The following JADE3 variants were observed in gnomAD, a reference collection of about 807,000 sequenced individuals.
JADE3 encodes jade family PHD finger 3.
A neutral mutation model predicts 50.1 loss-of-function variants in JADE3; 2 were observed. The ratio of observed to expected loss-of-function variants is 0.04; its 90% confidence interval spans 0.02 to 0.13. JADE3 has a LOEUF of 0.13. Among genes scored for constraint, JADE3 ranks in the 10% least tolerant of loss-of-function variants. The pLI, the probability that JADE3 is intolerant of heterozygous loss-of-function variation, is 1.00. For synonymous variants in JADE3, 218 were observed against 232.9 expected (o/e 0.94, Z 0.58); for missense variants, 475 against 634.4 (o/e 0.75, Z 2.70).
chrX:47,015,379 C>A (rs1215285764), intron 4 of JADE3, among the ~76,000 whole-genome samples: 1 of 110,458 alleles, frequency 9.1e-6, no homozygotes, highest in Non-Finnish European at 1.9e-5. Flanking sequence ...ATCAGGAGTT[C>A]GAGACCAGCC....
intron 3 of JADE3, among the ~76,000 whole-genome samples, chrX:46,996,024 G>A (rs913203450): frequency 7.1e-5 from 8 of 112,303 alleles, no homozygotes; most frequent in Admixed American, 4.7e-4. Flanking sequence ...CTTCACCTTC[G>A]TGGAGGTTTG....
At chrX:47,037,741 G>A (rs184161474) in intron 7 of JADE3, among the ~76,000 whole-genome samples, 1 of 112,364 alleles carries the variant, frequency 8.9e-6, no homozygotes, top group African/African-American at 3.2e-5. Flanking sequence ...GAAACATGGG[G>A]TATTCATCCC....
chrX:46,958,469 C>T (rs1411326810), intron 1 of JADE3, among the ~76,000 whole-genome samples: 3 of 111,618 alleles, frequency 2.7e-5, no homozygotes, highest in Non-Finnish European at 5.6e-5. Context: ...CTCTGTGTCC[C>T]ACCAGAAGAC....
At chrX:47,054,039 GACTA>G in intron 8 of JADE3, 115 bp from the exon 9 acceptor site, 1 of 479,770 alleles carries the variant, frequency 2.1e-6, no homozygotes, top group Non-Finnish European at 3.5e-6. Context: ...GTCAGTTTAG[GACTA>G]ACTTTCTCCC....
chrX:46,971,782 C>G (rs373481043), intron 1 of JADE3, among the ~76,000 whole-genome samples: 1 of 101,202 alleles, frequency 9.9e-6, no homozygotes, highest in African/African-American at 3.7e-5. Context: ...GGCGACAGAG[C>G]GAGACTCCGT....
intron 1 of JADE3, among the ~76,000 whole-genome samples, chrX:46,928,746 G>T (rs1199321877): frequency 9.0e-6 from 1 of 110,843 alleles, no homozygotes; most frequent in East Asian, 2.8e-4. Context: ...ACCATGCCTA[G>T]CTAATTAAAT....
intron 7 of JADE3, among the ~76,000 whole-genome samples, chrX:47,038,679 AG>A (rs2146982898): frequency 9.2e-6 from 1 of 108,649 alleles, no homozygotes; most frequent in African/African-American, 3.4e-5. Flanking sequence ...AAAAGAAGAA[AG>A]AAAGAAAGAA....
chrX:46,987,595 G>A (rs1927890072), intron 3 of JADE3, among the ~76,000 whole-genome samples: 1 of 112,106 alleles, frequency 8.9e-6, no homozygotes, highest in Admixed American at 9.5e-5. Context: ...GAATGTAAGA[G>A]TTTATTTATA....
At chrX:47,043,818 CAA>C (rs782062343) in intron 8 of JADE3, among the ~76,000 whole-genome samples, 14 of 48,792 alleles carry the variant, frequency 2.9e-4, no homozygotes, top group African/African-American at 2.2e-4. Context: ...GACTCTGTTT[CAA>C]AAAAAAAAAA....
At chrX:47,002,730 A>ATGT (rs1980212292) in intron 4 of JADE3, among the ~76,000 whole-genome samples, 2 of 107,636 alleles carry the variant, frequency 1.9e-5, no homozygotes, top group Admixed American at 2.0e-4. Context: ...GTAGACCATC[A>ATGT]TGTTACCTGC....
intron 3 of JADE3, among the ~76,000 whole-genome samples, chrX:46,986,916 T>A (rs782540910): frequency 8.9e-6 from 1 of 112,755 alleles, no homozygotes; most frequent in Non-Finnish European, 1.9e-5. Context: ...ATATTAGTTA[T>A]GTATTGCTAC....
At chrX:46,938,778 A>AT (rs1336692637) in intron 1 of JADE3, among the ~76,000 whole-genome samples, 5 of 111,384 alleles carry the variant, frequency 4.5e-5, no homozygotes, top group African/African-American at 9.8e-5. Flanking sequence ...CTGTGTTGAC[A>AT]TTTTTTTTAC....
At chrX:47,046,442 A>G (rs1177285051) in intron 8 of JADE3, among the ~76,000 whole-genome samples, 2 of 112,290 alleles carry the variant, frequency 1.8e-5, no homozygotes, top group African/African-American at 6.5e-5. Flanking sequence ...ACTGAATTTT[A>G]CAAAACATTT....
intron 7 of JADE3, among the ~76,000 whole-genome samples, chrX:47,037,021 G>T (rs1420770476): frequency 1.0e-5 from 1 of 96,229 alleles, no homozygotes; most frequent in Non-Finnish European, 2.1e-5. Flanking sequence ...ATGACGAGTT[G>T]GTGGGTGCAG....
intron 1 of JADE3, among the ~76,000 whole-genome samples, chrX:46,960,067 A>G (rs1927220647): frequency 9.0e-6 from 1 of 111,084 alleles, no homozygotes; most frequent in South Asian, 3.9e-4. Context: ...GCCTCTCCCA[A>G]GAAGCAGTCC....
intron 3 of JADE3, among the ~76,000 whole-genome samples, chrX:46,986,544 G>A (rs781907433): frequency 1.8e-5 from 2 of 112,453 alleles, no homozygotes; most frequent in African/African-American, 3.2e-5. Context: ...AGGACCTAGA[G>A]ATCTCCTGGC....
chrX:47,007,806 T>TG (rs1556360663), intron 4 of JADE3, among the ~76,000 whole-genome samples: 3,583 of 52,999 alleles, frequency 0.068, 217 homozygotes, highest in African/African-American at 0.35. Context: ...GTCCTTTTAT[T>TG]TTGTGTGTGT....
intron 3 of JADE3, among the ~76,000 whole-genome samples, chrX:46,991,051 T>TCCCCCCCCCC (rs1927983668): frequency 1.2e-3 from 1 of 830 alleles, no homozygotes; most frequent in Non-Finnish European, 2.3e-3. Context: ...CTTCCCTCCC[T>TCCCCCCCCCC]CCCTCCCTCA....
At chrX:46,961,327 G>A (rs189209028) in intron 1 of JADE3, among the ~76,000 whole-genome samples, 4 of 111,644 alleles carry the variant, frequency 3.6e-5, no homozygotes, top group Non-Finnish European at 5.6e-5. Context: ...ACAACGGAAC[G>A]CTCTGAACTT....
Sources: gnomAD v4.1 joint callset for allele counts (sites outside exome capture counted in the v4.1 genomes callset) on GRCh38, gnomAD v4.1.1 for gene constraint, MANE v1.5 for transcripts, NCBI Gene and HGNC (gene_info 2026-07-23, HGNC 2026-07-21) for gene names.